The following NLGN1 variants were observed in gnomAD, a reference collection of about 807,000 sequenced individuals.
The protein encoded by NLGN1 is neuroligin-1.
In NLGN1, 12 loss-of-function variants were observed where a neutral mutation model predicts 65.5. The ratio of observed to expected loss-of-function variants is 0.18; its 90% CI spans 0.12 to 0.30. NLGN1 has a LOEUF of 0.30. Ranked by LOEUF, NLGN1 falls within the 10% of genes least tolerant of loss-of-function variation. The pLI, the probability that NLGN1 is intolerant of heterozygous loss-of-function variation, is 1.00. For synonymous variants in NLGN1, 350 were observed against 359.5 expected (o/e 0.97, Z 0.30); for missense variants, 750 against 1,007.1 (o/e 0.74, Z 3.46).
At chr3:173,867,022 G>T (rs1244703609) in intron 4 of NLGN1, among the ~76,000 whole-genome samples, 1 of 152,132 alleles carries the variant, frequency 6.6e-6, no homozygotes, top group African/African-American at 2.4e-5. Context: ...GCCATAAACG[G>T]CATAGTACTA....
chr3:173,992,943 A>G (rs770786348), intron 4 of NLGN1, among the ~76,000 whole-genome samples: 5 of 152,180 alleles, frequency 3.3e-5, no homozygotes, highest in Non-Finnish European at 7.4e-5. Flanking sequence ...AATTTTATCC[A>G]TGTGGGTTAC....
rs115484624 is a variant in NLGN1 at position 173,917,159 on chromosome 3, A to G, written c.646+109327A>G. On this transcript the variant is annotated intron_variant, in intron 4 of 6. Transcript: ENST00000457714. ...TGGAAATTAGTGACAAATTTAGATT[A>G]AAGATCTAATTTGCAGAATCTGATT... Among the ~76,000 whole-genome samples, 207 of 152,348 alleles carry G rather than the reference A, an allele frequency of 1.4e-3. 2 individuals carry two copies. Among genetic ancestry groups the G allele is most frequent in the African/African-American group, 4.6e-3 (191 of 41,588 alleles).
intron 4 of NLGN1, among the ~76,000 whole-genome samples, chr3:174,270,617 G>A (rs1749220871): frequency 6.6e-6 from 1 of 151,812 alleles, no homozygotes; most frequent in African/African-American, 2.4e-5. Context: ...GTGACAGATA[G>A]AAGGGATACT....
intron 3 of NLGN1, among the ~76,000 whole-genome samples, chr3:173,678,130 A>G (rs1414420796): frequency 2.0e-5 from 3 of 152,114 alleles, no homozygotes; most frequent in Admixed American, 1.3e-4. Flanking sequence ...CAATGTATCT[A>G]GTCAACCTGA....
At chr3:173,494,043 T>C (rs1399020530) in intron 2 of NLGN1, among the ~76,000 whole-genome samples, 1 of 151,714 alleles carries the variant, frequency 6.6e-6, no homozygotes, top group Non-Finnish European at 1.5e-5. Context: ...TGGTTACTTG[T>C]GGTTTCTTTT....
At chr3:173,881,148 G>T (rs1733175918) in intron 4 of NLGN1, among the ~76,000 whole-genome samples, 1 of 146,488 alleles carries the variant, frequency 6.8e-6, no homozygotes, top group Admixed American at 6.9e-5. Flanking sequence ...ACCCAGGCTG[G>T]AGTGCAGTGG....
At chr3:174,103,906 C>T (rs1203145026) in intron 4 of NLGN1, among the ~76,000 whole-genome samples, 1 of 152,000 alleles carries the variant, frequency 6.6e-6, no homozygotes, top group East Asian at 1.9e-4. Context: ...GTGTACTTCA[C>T]ACTACTGCTA....
intron 4 of NLGN1, among the ~76,000 whole-genome samples, chr3:174,149,619 T>G (rs1723953085): frequency 6.6e-6 from 1 of 152,156 alleles, no homozygotes; most frequent in Non-Finnish European, 1.5e-5. Flanking sequence ...CCTTTAAAAC[T>G]ATCACCACTT....
intron 4 of NLGN1, among the ~76,000 whole-genome samples, chr3:174,216,302 T>C (rs908623923): frequency 6.6e-6 from 1 of 152,088 alleles, no homozygotes; most frequent in African/African-American, 2.4e-5. Context: ...GAGAGACAAA[T>C]AGAGGGACAT....
At chr3:173,633,388 T>C (rs1756059159) in intron 3 of NLGN1, among the ~76,000 whole-genome samples, 1 of 152,164 alleles carries the variant, frequency 6.6e-6, no homozygotes, top group Non-Finnish European at 1.5e-5. Context: ...GTGTTTTTAA[T>C]GTACATTTCC....
intron 4 of NLGN1, among the ~76,000 whole-genome samples, chr3:173,884,040 ATTTCTTACTGAC>A (rs1261970997): frequency 1.3e-5 from 2 of 151,188 alleles, no homozygotes; most frequent in African/African-American, 4.9e-5. Flanking sequence ...TAAACTAAAG[ATTTCTTACTGAC>A]TTTTTTTTTT....
intron 4 of NLGN1, among the ~76,000 whole-genome samples, chr3:173,936,282 G>A (rs919795374): frequency 6.6e-6 from 1 of 151,830 alleles, no homozygotes; most frequent in East Asian, 1.9e-4. Context: ...TCTTAAGCAT[G>A]GCCATGTAGA....
intron 2 of NLGN1, among the ~76,000 whole-genome samples, chr3:173,530,233 G>T (rs1388560818): frequency 6.6e-6 from 1 of 152,192 alleles, no homozygotes; most frequent in African/African-American, 2.4e-5. Flanking sequence ...GGGATTACAG[G>T]CGTGAGCCAC....
At chr3:174,046,172 T>G (rs1358507672) in intron 4 of NLGN1, among the ~76,000 whole-genome samples, 1 of 152,194 alleles carries the variant, frequency 6.6e-6, no homozygotes, top group African/African-American at 2.4e-5. Context: ...AGCTCCATAC[T>G]ATATTTCCTT....
At chr3:173,668,229 G>A (rs1266624643) in intron 3 of NLGN1, among the ~76,000 whole-genome samples, 1 of 152,158 alleles carries the variant, frequency 6.6e-6, no homozygotes, top group Non-Finnish European at 1.5e-5. Flanking sequence ...CACAGAAGAA[G>A]AGACAGTCGC....
At chr3:173,972,640 T>A (rs1300023887) in intron 4 of NLGN1, among the ~76,000 whole-genome samples, 1 of 152,020 alleles carries the variant, frequency 6.6e-6, no homozygotes, top group Non-Finnish European at 1.5e-5. Flanking sequence ...CAGAAATAAA[T>A]GAGGAGAAAT....
chr3:173,738,470 A>G (rs1774121493), intron 3 of NLGN1, among the ~76,000 whole-genome samples: 1 of 152,074 alleles, frequency 6.6e-6, no homozygotes, highest in Non-Finnish European at 1.5e-5. Flanking sequence ...GTTGATATCC[A>G]GTTGACTCAG....
chr3:173,553,108 G>A (rs1387271345), intron 2 of NLGN1, among the ~76,000 whole-genome samples: 1 of 152,062 alleles, frequency 6.6e-6, no homozygotes, highest in East Asian at 1.9e-4. Flanking sequence ...CCTGACTTTG[G>A]AGCTCCTTAT....
chr3:173,964,492 C>T (rs1348808515), intron 4 of NLGN1, among the ~76,000 whole-genome samples: 1 of 152,144 alleles, frequency 6.6e-6, no homozygotes, highest in Non-Finnish European at 1.5e-5. Flanking sequence ...AATGTTCTTT[C>T]TGGTACACCA....
Sources: allele counts gnomAD v4.1 joint callset (sites outside exome capture counted in the v4.1 genomes callset), GRCh38; gene constraint gnomAD v4.1.1; transcripts MANE v1.5; gene names NCBI Gene and HGNC (gene_info 2026-07-23, HGNC 2026-07-21).